The following KRT83 variants were observed in gnomAD, a reference collection of about 807,000 sequenced individuals.
The protein encoded by KRT83 is keratin, type II cuticular Hb3.
In KRT83, 51 loss-of-function variants were observed where a neutral mutation model predicts 52.9. The ratio of observed to expected loss-of-function variants is 0.96; its 90% CI spans 0.77 to 1.22. KRT83 has a LOEUF of 1.22. Ranked by LOEUF, KRT83 falls within the 50% of genes most tolerant of loss-of-function variation. The probability of loss-of-function intolerance (pLI) is 0.00; values close to 1 mark genes in which losing one functional copy is unlikely to be tolerated. For missense variants in KRT83, 654 were observed against 666.5 expected, an observed-to-expected ratio of 0.98 and a Z score of 0.21; for synonymous variants, 278 against 274.1, an observed-to-expected ratio of 1.01 and a Z score of -0.14.
intron 3 of KRT83, 66 bp from the exon 4 acceptor site, chr12:52,317,842 T>A: frequency 1.2e-6 from 2 of 1,610,432 alleles, no homozygotes; most frequent in Non-Finnish European, 1.7e-6. Context: ...CTGGCTGCCA[T>A]GTGGCAGGAC....
rs1938696318 is a variant in KRT83 at position 52,316,888 on chromosome 12, C to T, written c.886G>A (p.Ala296Thr). The stretch of plus-strand genomic sequence containing the variant: ...CTGCGATACCAGGACTCGGCCTCAG[C>T]CCGGCTACGGGTGGCAATGTCATCA... ...QYDDIATRSR[A>T]EAESWYRSKC... Residue 296 changes from alanine (A) to threonine (T), a missense_variant, in exon 5 of 9, where the codon GCT becomes ACT. Coordinates refer to ENST00000293670, the MANE Select transcript of KRT83 (RefSeq NM_002282.3). 1 of 1,614,088 alleles carries T rather than the reference C, an allele frequency of 6.2e-7. No homozygotes were observed. Among genetic ancestry groups the T allele is most frequent in the Admixed American group, 1.7e-5 (1 of 60,006 alleles).
chr12:52,315,760 G>C, intron 7 of KRT83, 133 bp downstream of exon 7: 1 of 1,285,104 alleles, frequency 7.8e-7, no homozygotes, highest in Non-Finnish European at 1.1e-6. Flanking sequence ...AGTTGAGAAT[G>C]AGACAACTTG....
chr12:52,317,211 T>C (rs1938701690), intron 4 of KRT83, among the ~76,000 whole-genome samples, 188 bp from the exon 5 acceptor site: 1 of 152,206 alleles, frequency 6.6e-6, no homozygotes, highest in Admixed American at 6.5e-5. Context: ...ACTTCTCAAC[T>C]GCTTGCTTTT....
At position 52,317,816 on chromosome 12, in the gene KRT83, A is replaced by C. The variant is rs916048349; in HGVS notation, c.655-40T>G. The C allele has an allele frequency of 3.7e-6, 6 of 1,613,114 alleles. No homozygotes were observed. The African/African-American group carries it at 5.3e-5, about 14-fold the overall frequency. ...AGGGGCTGTGAGGCCGGCTTTCCTC[A>C]GAGGGCTCTGAGGACCTGGCTGCCA... On this transcript the variant is annotated intron_variant, in intron 3 of 8. Coordinates refer to ENST00000293670, the MANE Select transcript of KRT83 (RefSeq NM_002282.3).
Position 52,321,310 on chromosome 12 carries a change from C to A in KRT83, c.26G>T (p.Gly9Val), listed in dbSNP as rs754825251. 2.2e-5 allele frequency: 35 copies of A among 1,613,558 alleles called. No individual in the cohort carries two copies. Among genetic ancestry groups the A allele is most frequent in the Non-Finnish European group, 2.9e-5 (34 of 1,180,030 alleles). Residue 9 changes from glycine to valine, a missense_variant, in exon 1 of 9, where the codon GGC (glycine) becomes GTC (valine). Transcript: ENST00000293670. MTCGFNSI[G>V]CGFRPGNFSC... ...GAAGTTTCCAGGGCGGAACCCACAG[C>A]CTATGGAGTTGAAGCCACAGGTCAT...
rs1271365379 is a variant in KRT83, at chr12:52,317,928, C to T, written c.636G>A (p.Glu212=). 1 of 1,614,188 alleles carries T rather than the reference C, an allele frequency of 6.2e-7. No homozygotes were observed. Among genetic ancestry groups the T allele is most frequent in the South Asian group, 1.1e-5 (1 of 91,090 alleles). ...CACTCACCTTCTTTAGAGCCACAAA[C>T]TCGTTCTCTGCTGTGGCTCGAAGTG... The part of the protein sequence containing the change: ...EVALRATAEN[E]FVALKKDVDC... Residue 212 remains glutamate (E), a synonymous_variant, in exon 3 of 9, where the codon GAG becomes GAA. Transcript: ENST00000293670.
rs377272891 is a variant in KRT83 at position 52,319,256 on chromosome 12, C to T, written c.493G>A (p.Glu165Lys). 2.0e-5 allele frequency: 32 copies of T among 1,613,978 alleles called. No individual in the cohort carries two copies. The highest frequency in any genetic ancestry group is 1.7e-4 in the Middle Eastern group (1 of 5,966). ...NLEPLFAGYI[E>K]TLRREAECVE... is the part of the protein sequence containing the mutation. ...CACTCGGCCTCCCGCCGCAGAGTCT[C>T]GATGTAGCCAGCAAACAGGGGCTCC... Residue 165 changes from glutamate (E) to lysine (K), a missense_variant, in exon 2 of 9, where the codon GAG (glutamate) becomes AAG (lysine). Coordinates refer to ENST00000293670, the MANE Select transcript of KRT83 (RefSeq NM_002282.3).
At position 52,314,532 on chromosome 12, in the gene KRT83, A is replaced by AG. The variant is rs1938654936; in HGVS notation, c.*98dup. On this transcript the variant is annotated 3_prime_UTR_variant, in exon 9 of 9. Transcript: ENST00000293670. ...GCCGATGGTGTATTCTCAGAACACAAGGGGAAAAGCCAGCGATGTGCTGCT... is the reference window on the plus strand; with the variant it reads ...GCCGATGGTGTATTCTCAGAACACAAGGGGGAAAAGCCAGCGATGTGCTGCT... 2 of 1,134,322 alleles carry AG rather than the reference A, an allele frequency of 1.8e-6. No individual in the cohort carries two copies. 70.3% of individuals were successfully genotyped at this position (1,134,322 alleles called of 1,614,324 possible).
chr12:52,315,383 G>A, intron 7 of KRT83, 40 bp from the exon 8 acceptor site: 1 of 1,606,144 alleles, frequency 6.2e-7, no homozygotes, highest in Non-Finnish European at 8.5e-7. Flanking sequence ...GATAAAAGAA[G>A]TCAGAATGAG....
Position 52,320,970 on chromosome 12 carries a change from G to A in KRT83, c.366C>T (p.Phe122=), listed in dbSNP as rs779083731. ...KEQIKSLNSR[F]AAFIDKVRFL... is the part of the protein sequence containing the mutation. ...CACCCACCTTGTCGATGAAGGCCGC[G>A]AATCTGCTGTTGAGGGACTTGATCT... The change falls in exon 1 of 9, where the codon TTC becomes TTT. Residue 122 remains phenylalanine (F), a synonymous_variant. Coordinates refer to ENST00000293670, the MANE Select transcript of KRT83 (RefSeq NM_002282.3). 9.9e-6 allele frequency: 16 copies of A among 1,613,722 alleles called. No homozygotes were observed. Among genetic ancestry groups the A allele is most frequent in the Non-Finnish European group, 1.4e-5 (16 of 1,179,886 alleles).
intron 7 of KRT83, 73 bp from the exon 8 acceptor site, chr12:52,315,416 C>T: frequency 2.1e-6 from 3 of 1,440,346 alleles, no homozygotes; most frequent in Non-Finnish European, 2.9e-6. Flanking sequence ...CCGCTAGGTG[C>T]TGAAATGGGT....
rs2857667 is a variant in KRT83, at chr12:52,317,765, G to T, written c.666C>A (p.Cys222Ter). 14,002 of 1,613,622 alleles carry T rather than the reference G, an allele frequency of 8.7e-3. 88 individuals carry two copies. Among genetic ancestry groups the T allele is most frequent in the Non-Finnish European group, 0.011 (12,629 of 1,179,850 alleles). ...CCAGGTCTGACTTGCGGAGGTAGGC[G>T]CAGTCCACATCCTGGGTGGGGTAGA... ...EFVALKKDVD[C>*]AYLRKSDLEA... is the part of the protein sequence containing the mutation. Residue 222 changes from cysteine (C) to a stop codon, truncating the protein, a stop_gained, in exon 4 of 9, where the codon TGC (cysteine) becomes TGA (stop). Transcript: ENST00000293670. LOFTEE classifies it high-confidence loss of function.
chr12:52,317,079 C>G (rs1938699965), intron 4 of KRT83, 56 bp from the exon 5 acceptor site: 2 of 1,611,234 alleles, frequency 1.2e-6, no homozygotes, highest in Non-Finnish European at 8.5e-7. Flanking sequence ...CTCCTAATCC[C>G]TGGATGCCTA....
At position 52,317,963 on chromosome 12, in the gene KRT83, C is replaced by T. The variant is rs146753414; in HGVS notation, c.601G>A (p.Glu201Lys). Residue 201 changes from glutamate (E) to lysine (K), a missense_variant, in exon 3 of 9, where the codon GAA becomes AAA. Transcript: ENST00000293670. Reference sequence around the variant, plus strand: ...GCTGTGGCTCGAAGTGCTACTTCTTCTTCATACCTGAGGTGAGCAGGGAGA... The same window carrying T: ...GCTGTGGCTCGAAGTGCTACTTCTTTTTCATACCTGAGGTGAGCAGGGAGA... The part of the protein sequence containing the change: ...VLEGYKKKYE[E>K]EVALRATAEN... 5 of 1,613,986 alleles carry T rather than the reference C, an allele frequency of 3.1e-6. No individual in the cohort carries two copies. Among genetic ancestry groups the T allele is most frequent in the Non-Finnish European group, 4.2e-6 (5 of 1,179,932 alleles).
intron 7 of KRT83, 56 bp from the exon 8 acceptor site, chr12:52,315,399 C>T (rs377257286): frequency 1.9e-5 from 30 of 1,550,878 alleles, no homozygotes; most frequent in South Asian, 7.8e-5. Context: ...ATGAGGTCAT[C>T]GAATTTCCGC....
intron 1 of KRT83, among the ~76,000 whole-genome samples, chr12:52,320,178 C>T (rs1434927824): frequency 2.6e-5 from 4 of 151,864 alleles, no homozygotes; most frequent in East Asian, 1.9e-4. Flanking sequence ...TTTTTTTTCC[C>T]GATCCTTTCT....
intron 1 of KRT83, 55 bp downstream of exon 1, chr12:52,320,897 G>A (rs111332863): frequency 6.2e-7 from 1 of 1,613,552 alleles, no homozygotes; most frequent in African/African-American, 1.3e-5. Flanking sequence ...TGCCCAGCCT[G>A]AGTTCTGAAC....
At position 52,319,186 on chromosome 12, in the gene KRT83, A is replaced by G; in HGVS notation, c.563T>C (p.Val188Ala). The G allele has an allele frequency of 6.2e-7, 1 of 1,613,546 alleles. No individual in the cohort carries two copies. The highest frequency in any genetic ancestry group is 8.5e-7 in the Non-Finnish European group (1 of 1,179,874). The change falls in exon 2 of 9, where the codon GTG (valine) becomes GCG (alanine). Residue 188 changes from valine to alanine, a missense_variant. Coordinates refer to ENST00000293670, the MANE Select transcript of KRT83 (RefSeq NM_002282.3). ...SGRLASELNH[V>A]QEVLEGYKKK... is the part of the protein sequence containing the mutation. ...CTTGTAGCCCTCCAGCACCTCCTGC[A>G]CGTGGTTGAGCTCTGAGGCCAGCCT... is the stretch of plus-strand genomic sequence containing the variant.
rs1167650428 is a variant in KRT83 at position 52,316,991 on chromosome 12, G to A, written c.783C>T (p.Asp261=). ...TGTCCAGCTTGACAACCACGGAGGTGTCTGAGATGTGGGATTGGAGAATGC... is the reference window on the plus strand; with the variant it reads ...TGTCCAGCTTGACAACCACGGAGGTATCTGAGATGTGGGATTGGAGAATGC... ...EIRILQSHIS[D]TSVVVKLDNS... is the part of the protein sequence containing the mutation. Residue 261 remains aspartate (D), a synonymous_variant, in exon 5 of 9, where the codon GAC becomes GAT. Transcript: ENST00000293670. 1 of 1,614,088 alleles carries A rather than the reference G, an allele frequency of 6.2e-7. No individual in the cohort carries two copies. Among genetic ancestry groups the A allele is most frequent in the Non-Finnish European group, 8.5e-7 (1 of 1,180,058 alleles).
Sources: allele counts gnomAD v4.1 joint callset (sites outside exome capture counted in the v4.1 genomes callset), GRCh38; gene constraint gnomAD v4.1.1; transcripts MANE v1.5; gene names NCBI Gene and HGNC (gene_info 2026-07-23, HGNC 2026-07-21).